The following BRCA1 variants were observed in gnomAD, a reference collection of about 807,000 sequenced individuals.
BRCA1 encodes the protein BRCA1 DNA repair associated.
In BRCA1, 140 loss-of-function variants were observed where a neutral mutation model predicts 173.7. The observed-to-expected ratio is 0.81, with a 90% confidence interval of 0.70 to 0.93. The LOEUF (loss-of-function observed/expected upper bound fraction) is 0.93. Among genes scored for constraint, BRCA1 ranks in the 40% least tolerant of loss-of-function variants. The pLI is 0.00. For synonymous variants in BRCA1, 662 were observed against 756.0 expected (o/e 0.88, Z 2.04); for missense variants, 1,983 against 2,172.5 (o/e 0.91, Z 1.73).
In BRCA1 at chr17:43,100,546, G is replaced by A. The variant is rs1356992969; in HGVS notation, c.442-666C>T. Among the ~76,000 whole-genome samples, 42 of 18,404 alleles carry A rather than the reference G, an allele frequency of 2.3e-3. 1 individual carries two copies. The highest frequency in any genetic ancestry group is 5.4e-3 in the African/African-American group (39 of 7,192). The allele number at this position is 18,404 out of a possible 152,430, so 12.1% of individuals were successfully genotyped here. A position where few individuals can be genotyped will look rare whatever the true frequency, so the allele number is the denominator to read the frequency against. On this transcript the variant is annotated intron_variant, in intron 6 of 22. Coordinates refer to ENST00000357654, the MANE Select transcript of BRCA1 (RefSeq NM_007294.4). ...TGTGTATATATATATACATATATAT[G>A]TGTGTGTGTGTGTATATATATATAT...
rs759063490 is a variant in BRCA1 at position 43,125,163 on chromosome 17, A to AC, written c.-20+107dup. On this transcript the variant is annotated intron_variant, in intron 1 of 22. Coordinates refer to ENST00000357654, the MANE Select transcript of BRCA1 (RefSeq NM_007294.4). ...CTTACGCCTCTCAGGTTCCGCCCCT[A>AC]CCCCCCGTCAAAGAATACCCATCTG... 134 of 398,786 alleles carry AC rather than the reference A, an allele frequency of 3.4e-4. 1 individual carries two copies. The highest frequency in any genetic ancestry group is 2.1e-3 in the South Asian group (128 of 61,664). The allele number at this position is 398,786 out of a possible 1,614,324, so 24.7% of individuals were successfully genotyped here.
intron 2 of BRCA1, among the ~76,000 whole-genome samples, chr17:43,123,393 G>T (rs2055680150): frequency 1.8e-5 from 2 of 112,352 alleles, no homozygotes; most frequent in African/African-American, 3.6e-5. Context: ...GTTTAGCTCT[G>T]TCGCTGGAGT....
chr17:43,045,682 T>C lies in BRCA1; in HGVS notation c.5588A>G (p.Tyr1863Cys), dbSNP rs1567756242. ...TGTACCTGTGGCTGGCTGCAGTCAG[T>C]AGTGGCTGTGGGGGATCTGGGGTAT... ...YLIPQIPHSH[Y>C] The change falls in exon 23 of 23, where the codon TAC becomes TGC. Residue 1863 changes from tyrosine (Y) to cysteine (C), a missense_variant. Tyr to Cys is a radical substitution (Grantham distance 194, BLOSUM62 -2). Coordinates refer to ENST00000357654, the MANE Select transcript of BRCA1 (RefSeq NM_007294.4). 1.2e-6 allele frequency: 2 copies of C among 1,613,768 alleles called. No homozygotes were observed. The highest frequency in any genetic ancestry group is 1.7e-6 in the Non-Finnish European group (2 of 1,179,744).
intron 3 of BRCA1, among the ~76,000 whole-genome samples, chr17:43,112,034 T>C (rs762858345): frequency 2.0e-5 from 3 of 152,062 alleles, no homozygotes; most frequent in Non-Finnish European, 2.9e-5. Flanking sequence ...TCAGATTATA[T>C]TGATATTACA....
chr17:43,046,222 C>T (rs1379937821), intron 22 of BRCA1, among the ~76,000 whole-genome samples: 1 of 68,348 alleles, frequency 1.5e-5, no homozygotes, highest in African/African-American at 7.4e-5. Flanking sequence ...TGCACCTGGC[C>T]TTTTTTTTTT....
chr17:43,109,788 T>C (rs2054956371), intron 3 of BRCA1, among the ~76,000 whole-genome samples: 1 of 152,076 alleles, frequency 6.6e-6, no homozygotes, highest in South Asian at 2.1e-4. Context: ...CTGCAGAATA[T>C]AGTACAGTAG....
At chr17:43,058,684 C>T (rs946580717) in intron 18 of BRCA1, among the ~76,000 whole-genome samples, 3 of 152,120 alleles carry the variant, frequency 2.0e-5, no homozygotes, top group Admixed American at 6.5e-5. Flanking sequence ...CTGAAAAATT[C>T]CCTATCTCCT....
rs1281191417 is a variant in BRCA1 at position 43,093,905 on chromosome 17, A to T, written c.1626T>A (p.Asn542Lys). ...TATTAGTAATATTCATCACTTGACC[A>T]TTCTGCTCCGTTTGGTTAGTTCCCT... The part of the protein sequence containing the change: ...INQGTNQTEQ[N>K]GQVMNITNSG... The change falls in exon 10 of 23, where the codon AAT (asparagine) becomes AAA (lysine). Residue 542 changes from asparagine to lysine, a missense_variant. Coordinates refer to ENST00000357654, the MANE Select transcript of BRCA1 (RefSeq NM_007294.4). 6.2e-7 allele frequency: 1 copy of T among 1,613,926 alleles called. No individual in the cohort carries two copies.
chr17:43,090,215 G>A (rs1166799730), intron 11 of BRCA1, among the ~76,000 whole-genome samples: 1 of 152,078 alleles, frequency 6.6e-6, no homozygotes, highest in African/African-American at 2.4e-5. Context: ...TGGCTGTGTG[G>A]CCTTAGGCAG....
intron 18 of BRCA1, among the ~76,000 whole-genome samples, chr17:43,062,629 C>T (rs539937727): frequency 1.5e-4 from 23 of 151,932 alleles, no homozygotes; most frequent in African/African-American, 4.8e-4. Context: ...GACGGAGTCT[C>T]GCTCTGTTGC....
At chr17:43,157,398 C>A (rs2056204061) in intron 1 of BRCA1, among the ~76,000 whole-genome samples, 2 of 152,190 alleles carry the variant, frequency 1.3e-5, no homozygotes, top group Non-Finnish European at 2.9e-5. Context: ...GTCTAAAAAA[C>A]CATTAAAAAT....
At chr17:43,101,665 G>T (rs557793857) in intron 6 of BRCA1, among the ~76,000 whole-genome samples, 1 of 152,030 alleles carries the variant, frequency 6.6e-6, no homozygotes, top group East Asian at 1.9e-4. Flanking sequence ...ACCACACCCA[G>T]CTAATTTTTG....
chr17:43,159,245 TA>T lies in BRCA1; in HGVS notation c.-20+10880del, dbSNP rs1020605426. Among the ~76,000 whole-genome samples, 4 of 152,274 alleles carry T rather than the reference TA, an allele frequency of 2.6e-5. 1 individual carries two copies. Among genetic ancestry groups the T allele is most frequent in the Admixed American group, 2.6e-4 (4 of 15,292 alleles). The stretch of plus-strand genomic sequence containing the variant: ...CCAGCCTCTCGACAGAGATCCTGTA[TA>T]AAAAAACCTCTGCATTTCACTGTAT... On this transcript the variant is annotated intron_variant, in intron 1 of 7. Transcript: ENST00000634433.
chr17:43,047,646 G>T lies in BRCA1; in HGVS notation c.5464C>A (p.His1822Asn), dbSNP rs2050976551. ...CAGGTACATGCAGGCACCTTACCAT[G>T]GAAGCCATTGTCCTCTGTCCAGGCA... Reference protein sequence around the residue: ...PDAWTEDNGFHAIGQMCEAPV... With the variant: ...PDAWTEDNGFNAIGQMCEAPV... The change falls in exon 22 of 23, where the codon CAT becomes AAT. Residue 1822 changes from histidine to asparagine, a missense_variant. His to Asn is a moderately conservative substitution (Grantham distance 68). Coordinates refer to ENST00000357654, the MANE Select transcript of BRCA1 (RefSeq NM_007294.4). The T allele has an allele frequency of 6.2e-7, 1 of 1,614,150 alleles. No homozygotes were observed. Among genetic ancestry groups the T allele is most frequent in the Non-Finnish European group, 8.5e-7 (1 of 1,180,024 alleles).
intron 1 of BRCA1, among the ~76,000 whole-genome samples, chr17:43,151,870 T>C (rs934031321): frequency 2.6e-5 from 4 of 152,230 alleles, no homozygotes; most frequent in Non-Finnish European, 5.9e-5. Flanking sequence ...TACCTCAGCC[T>C]GGGTGACAGA....
chr17:43,158,452 C>G (rs560628724), intron 1 of BRCA1, among the ~76,000 whole-genome samples: 1 of 152,246 alleles, frequency 6.6e-6, no homozygotes, highest in Admixed American at 6.5e-5. Context: ...TCTCTGAAAA[C>G]ACAACTTGCA....
intron 1 of BRCA1, among the ~76,000 whole-genome samples, chr17:43,135,585 A>G (rs899320120): frequency 3.3e-5 from 5 of 152,158 alleles, no homozygotes; most frequent in African/African-American, 1.2e-4. Context: ...GAACCTTCCC[A>G]TGGTTCGCAG....
intron 17 of BRCA1, 65 bp downstream of exon 17, chr17:43,063,809 G>T (rs273901745): frequency 1.5e-6 from 2 of 1,351,986 alleles, no homozygotes; most frequent in Non-Finnish European, 2.1e-6. Context: ...GGTGTTAAAC[G>T]TTAGGTGTAA....
intron 6 of BRCA1, among the ~76,000 whole-genome samples, chr17:43,102,908 T>TA (rs1291100931): frequency 6.6e-5 from 10 of 151,714 alleles, no homozygotes; most frequent in Non-Finnish European, 1.3e-4. Flanking sequence ...TCAAGCCTCC[T>TA]AGTGCTGGAA....
Sources: allele counts gnomAD v4.1 joint callset (sites outside exome capture counted in the v4.1 genomes callset), GRCh38; gene constraint gnomAD v4.1.1; transcripts MANE v1.5; gene names NCBI Gene and HGNC (gene_info 2026-07-23, HGNC 2026-07-21).